Variants in FARS2 observed in about 807,000 individuals in gnomAD.
FARS2 encodes phenylalanyl-tRNA synthetase 2, mitochondrial.
FARS2 carries 40 observed loss-of-function variants against 46.4 expected under a neutral mutation model. That is an observed-to-expected ratio of 0.86 (90% confidence interval 0.67 to 1.12). FARS2 has a LOEUF of 1.12. Among genes scored for constraint, FARS2 ranks in the 50% most tolerant of loss-of-function variants. The pLI, the probability that FARS2 is intolerant of heterozygous loss-of-function variation, is 0.00. For missense variants in FARS2, 513 were observed against 567.9 expected (o/e 0.90, Z 0.98); for synonymous variants, 234 against 214.9 (o/e 1.09, Z -0.78).
chr6:5,426,874 C>T (rs1223890709), intron 3 of FARS2, among the ~76,000 whole-genome samples: 1 of 152,212 alleles, frequency 6.6e-6, no homozygotes, highest in Non-Finnish European at 1.5e-5. Flanking sequence ...AATCTGTCCG[C>T]CTCAGCCTCC....
chr6:5,347,683 A>G (rs1269364762), intron 1 of FARS2, among the ~76,000 whole-genome samples: 1 of 152,182 alleles, frequency 6.6e-6, no homozygotes, highest in African/African-American at 2.4e-5. Flanking sequence ...TTAGAATTGA[A>G]TCATGCGGTA....
At chr6:5,530,375 T>A (rs1489356537) in intron 4 of FARS2, among the ~76,000 whole-genome samples, 1 of 152,116 alleles carries the variant, frequency 6.6e-6, no homozygotes, top group Admixed American at 6.5e-5. Flanking sequence ...AGAGACATGA[T>A]ATGTAAGTAC....
At chr6:5,436,563 C>G (rs180681641) in intron 4 of FARS2, among the ~76,000 whole-genome samples, 1 of 152,180 alleles carries the variant, frequency 6.6e-6, no homozygotes, top group Non-Finnish European at 1.5e-5. Flanking sequence ...AAGATTATAT[C>G]GTTAGAACAT....
chr6:5,758,823 C>G (rs1253360492), intron 6 of FARS2, among the ~76,000 whole-genome samples: 1 of 151,996 alleles, frequency 6.6e-6, no homozygotes, highest in Non-Finnish European at 1.5e-5. Context: ...TTCTGAGGAG[C>G]GGATGGGAAA....
chr6:5,440,269 A>G (rs1337723938), intron 4 of FARS2, among the ~76,000 whole-genome samples: 1 of 152,224 alleles, frequency 6.6e-6, no homozygotes, highest in African/African-American at 2.4e-5. Flanking sequence ...TATATATTTT[A>G]TAAAAAGTAG....
chr6:5,495,813 T>C (rs1767428489), intron 4 of FARS2, among the ~76,000 whole-genome samples: 2 of 152,200 alleles, frequency 1.3e-5, no homozygotes, highest in Admixed American at 6.5e-5. Context: ...GAGAGACTGG[T>C]ATTTAAATTC....
chr6:5,579,044 A>G (rs1427339871), intron 5 of FARS2, among the ~76,000 whole-genome samples: 5 of 152,212 alleles, frequency 3.3e-5, no homozygotes, highest in African/African-American at 2.4e-5. Flanking sequence ...CATGACATAT[A>G]GAAAACATTG....
In FARS2 at chr6:5,390,153, T is replaced by C. The variant is rs1466168506; in HGVS notation, c.613-14389T>C. Among the ~76,000 whole-genome samples, 2 of 152,156 alleles carry C rather than the reference T, an allele frequency of 1.3e-5. 1 individual carries two copies. Among genetic ancestry groups the C allele is most frequent in the Non-Finnish European group, 2.9e-5 (2 of 68,010 alleles). Reference sequence around the variant, plus strand: ...TGCTGGGATTACAGGCATGAGCCACTGCACCCAGCCTCTACTACAGTTTTT... The same window carrying C: ...TGCTGGGATTACAGGCATGAGCCACCGCACCCAGCCTCTACTACAGTTTTT... On this transcript the variant is annotated intron_variant, in intron 2 of 6. Transcript: ENST00000274680.
chr6:5,718,124 G>C (rs1935236820), intron 6 of FARS2, among the ~76,000 whole-genome samples: 1 of 152,042 alleles, frequency 6.6e-6, no homozygotes, highest in Non-Finnish European at 1.5e-5. Context: ...ATGTTGGCCA[G>C]GCTGGTCTGG....
chr6:5,641,283 G>GTTTATTTTATTTTAT (rs546965598), intron 6 of FARS2, among the ~76,000 whole-genome samples: 39 of 151,744 alleles, frequency 2.6e-4, no homozygotes, highest in African/African-American at 9.2e-4. Flanking sequence ...CGTGTCCCCA[G>GTTTATTTTATTTTAT]TTTATTTTAT....
chr6:5,317,720 C>T (rs889130898), intron 1 of FARS2, among the ~76,000 whole-genome samples: 1 of 151,442 alleles, frequency 6.6e-6, no homozygotes, highest in Non-Finnish European at 1.5e-5. Flanking sequence ...GTTGAGGCAT[C>T]GGTGAGCCAT....
intron 4 of FARS2, among the ~76,000 whole-genome samples, chr6:5,525,653 A>G (rs1769417765): frequency 6.6e-6 from 1 of 152,260 alleles, no homozygotes; most frequent in East Asian, 1.9e-4. Context: ...AAAAATAAGG[A>G]GGAAAAAGCA....
chr6:5,348,117 C>G (rs1757349339), intron 1 of FARS2, among the ~76,000 whole-genome samples: 2 of 152,154 alleles, frequency 1.3e-5, no homozygotes, highest in African/African-American at 4.8e-5. Context: ...TCTTTGGCTT[C>G]CCTGTTCATT....
Position 5,610,306 on chromosome 6 carries a change from CTT to C in FARS2, c.1066-2859_1066-2858del, listed in dbSNP as rs111436766. ...TGTAGTTTTGATGCCCTTTTCAATTCTTTTTAAAAAAAAAAAAAAAGAATTAT... is the reference window on the plus strand; with the variant it reads ...TGTAGTTTTGATGCCCTTTTCAATTCTTTAAAAAAAAAAAAAAAGAATTAT... On this transcript the variant is annotated intron_variant, in intron 5 of 6. Transcript: ENST00000274680. 2.1e-3 allele frequency: 613 copies of C among 290,582 alleles called. 4 individuals carry two copies. Among genetic ancestry groups the C allele is most frequent in the African/African-American group, 0.013 (524 of 41,532 alleles). The allele number at this position is 290,582 out of a possible 1,614,324, so 18.0% of individuals were successfully genotyped here.
chr6:5,312,340 AG>A (rs1449329009), intron 1 of FARS2, among the ~76,000 whole-genome samples: 1 of 152,172 alleles, frequency 6.6e-6, no homozygotes, highest in Non-Finnish European at 1.5e-5. Flanking sequence ...TTTGTGTTTC[AG>A]AAGGCCTTTT....
chr6:5,580,289 CAAAA>C (rs35150084), intron 5 of FARS2, among the ~76,000 whole-genome samples: 4 of 105,148 alleles, frequency 3.8e-5, no homozygotes, highest in Non-Finnish European at 5.6e-5. Context: ...GACTCCGTCT[CAAAA>C]AAAAAAAAAA....
chr6:5,530,162 A>G (rs1769732269), intron 4 of FARS2, among the ~76,000 whole-genome samples: 1 of 152,162 alleles, frequency 6.6e-6, no homozygotes, highest in South Asian at 2.1e-4. Flanking sequence ...GGGTCTCCAG[A>G]TGTGTCACCT....
chr6:5,375,837 G>A (rs1045556337), intron 2 of FARS2, among the ~76,000 whole-genome samples: 1 of 152,052 alleles, frequency 6.6e-6, no homozygotes, highest in African/African-American at 2.4e-5. Context: ...TAAGTCATTT[G>A]TGAAAAAGAA....
rs138428592 is a variant in FARS2, at chr6:5,504,945, G to C, written c.905-40235G>C. ...AGTCTCCCAAGTAGCTGGGACCACAGATGCAAGCCATCACACCTGGCTTGG... is the reference window on the plus strand; with the variant it reads ...AGTCTCCCAAGTAGCTGGGACCACACATGCAAGCCATCACACCTGGCTTGG... On this transcript the variant is annotated intron_variant, in intron 4 of 6. Transcript: ENST00000274680. Among the ~76,000 whole-genome samples the C allele has an allele frequency of 3.3e-3, 508 of 152,258 alleles. 3 individuals are homozygous for C. Among genetic ancestry groups the C allele is most frequent in the Non-Finnish European group, 4.9e-3 (330 of 68,016 alleles).
Sources: gnomAD v4.1 joint callset for allele counts (sites outside exome capture counted in the v4.1 genomes callset) on GRCh38, gnomAD v4.1.1 for gene constraint, MANE v1.5 for transcripts, NCBI Gene and HGNC (gene_info 2026-07-23, HGNC 2026-07-21) for gene names.